The following HEPH variants were observed in gnomAD, a reference collection of about 807,000 sequenced individuals.
HEPH encodes hephaestin.
In HEPH, 69 loss-of-function variants were observed where a neutral mutation model predicts 80.8. The ratio of observed to expected loss-of-function variants is 0.85; its 90% CI spans 0.70 to 1.04. The LOEUF (loss-of-function observed/expected upper bound fraction) is 1.04, where lower values mean the gene tolerates loss of function less well. Ranked by LOEUF, HEPH falls within the 50% of genes least tolerant of loss-of-function variation. The probability of loss-of-function intolerance (pLI) is 0.00; values close to 1 mark genes in which losing one functional copy is unlikely to be tolerated. For synonymous variants in HEPH, 431 were observed against 322.8 expected, an observed-to-expected ratio of 1.34 and a Z score of -3.60; for missense variants, 1,115 against 891.3, an observed-to-expected ratio of 1.25 and a Z score of -3.20.
intron 5 of HEPH, among the ~76,000 whole-genome samples, chrX:66,189,434 A>G (rs1438259473): frequency 1.8e-5 from 2 of 112,105 alleles, no homozygotes; most frequent in African/African-American, 6.5e-5. Flanking sequence ...GCTCTATGGC[A>G]TTGGGAAAGA....
intron 5 of HEPH, 121 bp from the exon 6 acceptor site, chrX:66,189,563 C>A: frequency 1.3e-6 from 1 of 749,693 alleles, no homozygotes; most frequent in Non-Finnish European, 2.0e-6. Flanking sequence ...ATACATAGGT[C>A]AACACAGTGT....
rs768542327 is a variant in HEPH at position 66,203,436 on chromosome X, A to T, written c.2150A>T (p.Gln717Leu). 3 of 1,210,600 alleles carry T rather than the reference A, an allele frequency of 2.5e-6. No homozygotes were observed. The Admixed American group carries it at 6.5e-5, about 26-fold the overall frequency. The change falls in exon 13 of 21, where the codon CAG becomes CTG. Residue 717 changes from glutamine (Q) to leucine (L), a missense_variant. Transcript: ENST00000343002. Reference protein sequence around the residue: ...AGMRAIYNVSQCPGHQATPRQ... With the variant: ...AGMRAIYNVSLCPGHQATPRQ... The stretch of plus-strand genomic sequence containing the variant: ...ATGAGGGCAATCTATAATGTCTCCC[A>T]GTGTCCTGGCCACCAAGCCACCCCT...
chrX:66,268,642 C>T (rs1016378421), downstream of HEPH: 2 of 111,850 alleles, frequency 1.8e-5, no homozygotes, highest in Non-Finnish European at 3.8e-5. Flanking sequence ...TCAGTTATAA[C>T]TCTAAGAGAC....
intron 15 of HEPH, among the ~76,000 whole-genome samples, chrX:66,249,060 A>C (rs566593986): frequency 9.0e-6 from 1 of 111,708 alleles, no homozygotes; most frequent in Non-Finnish European, 1.9e-5. Flanking sequence ...GGGTAGAAAA[A>C]CAAACTTTTC....
chrX:66,235,440 T>C (rs908569674), intron 15 of HEPH, among the ~76,000 whole-genome samples: 7 of 110,439 alleles, frequency 6.3e-5, no homozygotes, highest in African/African-American at 2.3e-4. Flanking sequence ...CTAGCACCAT[T>C]TATTCAATTA....
Position 66,212,613 on chromosome X carries a change from A to T in HEPH, c.2563+4367A>T, listed in dbSNP as rs183885881. On this transcript the variant is annotated intron_variant, in intron 15 of 20. Coordinates refer to ENST00000343002, the MANE Select transcript of HEPH (RefSeq NM_001367233.3). ...TAAGTTTTTGTCAGTTTTGTCAAAGATCAGTTGTTGACTGTAAATATGTGG... is the reference window on the plus strand; with the variant it reads ...TAAGTTTTTGTCAGTTTTGTCAAAGTTCAGTTGTTGACTGTAAATATGTGG... Among the ~76,000 whole-genome samples the T allele has an allele frequency of 1.4e-4, 16 of 112,160 alleles. No homozygotes were observed. In the East Asian group the frequency reaches 4.2e-3, roughly 29 times the overall value.
intron 15 of HEPH, among the ~76,000 whole-genome samples, chrX:66,250,134 G>A (rs2090953624): frequency 9.1e-6 from 1 of 110,214 alleles, no homozygotes; most frequent in Non-Finnish European, 1.9e-5. Flanking sequence ...TTTTTTGTTG[G>A]TTTACTTGTA....
chrX:66,164,269 A>G lies in HEPH; in HGVS notation c.-215A>G. The G allele has an allele frequency of 1.3e-6, 1 of 753,080 alleles. No individual in the cohort carries two copies. Among genetic ancestry groups the G allele is most frequent in the Non-Finnish European group, 1.6e-6 (1 of 638,498 alleles). The allele number at this position is 753,080 out of a possible 1,213,427, so 62.1% of individuals were successfully genotyped here. A position where few individuals can be genotyped will look rare whatever the true frequency, so the allele number is the denominator to read the frequency against. The stretch of plus-strand genomic sequence containing the variant: ...GACATTCCAGTAGTTTTGTTTCTGG[A>G]AAAGAGGGCACCCAGCCCTTCCCCC... On this transcript the variant is annotated 5_prime_UTR_variant, in exon 1 of 21. Coordinates refer to ENST00000343002, the MANE Select transcript of HEPH (RefSeq NM_001367233.3).
At chrX:66,216,132 A>G (rs1456499645) in intron 15 of HEPH, among the ~76,000 whole-genome samples, 7 of 110,908 alleles carry the variant, frequency 6.3e-5, no homozygotes, top group Admixed American at 9.6e-5. Context: ...AACGAACACA[A>G]TCTCTTAGAG....
At chrX:66,186,520 T>G (rs1177795078) in intron 4 of HEPH, among the ~76,000 whole-genome samples, 1 of 112,962 alleles carries the variant, frequency 8.9e-6, no homozygotes, top group African/African-American at 3.2e-5. Context: ...CCCTGACCCC[T>G]TGTGCTTCCC....
chrX:66,203,353 T>A lies in HEPH; in HGVS notation c.2078-11T>A. The A allele has an allele frequency of 8.3e-7, 1 of 1,205,076 alleles. No individual in the cohort carries two copies. The highest frequency in any genetic ancestry group is 1.8e-5 in the South Asian group (1 of 56,550). The stretch of plus-strand genomic sequence containing the variant: ...TTCTGAGTCAGATTTTTCTCTCTGA[T>A]CCTCCCTCAGGGACATTTGAGATTT... On this transcript the variant is annotated splice_polypyrimidine_tract_variant and intron_variant, in intron 12 of 20. Coordinates refer to ENST00000343002, the MANE Select transcript of HEPH (RefSeq NM_001367233.3).
intron 19 of HEPH, among the ~76,000 whole-genome samples, chrX:66,261,094 G>A (rs1410193753): frequency 9.0e-6 from 1 of 111,006 alleles, no homozygotes; most frequent in Non-Finnish European, 1.9e-5. Flanking sequence ...TATTTTTTAG[G>A]CAGGGTTTTG....
At chrX:66,264,711 T>C (rs775937286) in intron 20 of HEPH, among the ~76,000 whole-genome samples, 1 of 108,110 alleles carries the variant, frequency 9.2e-6, no homozygotes, top group South Asian at 4.0e-4. Flanking sequence ...GGATATGTCC[T>C]GGAGGGGATG....
At chrX:66,260,842 T>C (rs1055257387) in intron 19 of HEPH, among the ~76,000 whole-genome samples, 4 of 110,518 alleles carry the variant, frequency 3.6e-5, no homozygotes, top group Admixed American at 9.6e-5. Flanking sequence ...TCATGGCTCA[T>C]TGGAGCCTCA....
At chrX:66,224,420 A>T (rs913254824) in intron 15 of HEPH, among the ~76,000 whole-genome samples, 2 of 111,089 alleles carry the variant, frequency 1.8e-5, no homozygotes, top group African/African-American at 3.3e-5. Flanking sequence ...TATGGTAATT[A>T]AGATTTAGTT....
rs764048238 is a variant in HEPH, at chrX:66,195,319, G to A, written c.1501+90G>A. 1.8e-4 allele frequency: 139 copies of A among 760,335 alleles called. No homozygotes were observed. The African/African-American group carries it at 2.8e-3, about 15-fold the overall frequency. The allele number at this position is 760,335 out of a possible 1,213,427, so 62.7% of individuals were successfully genotyped here. ...ATAAATGGGAGATGGAGAGGATGAA[G>A]TAGGCAGAATTATTTGCCATATGTG... On this transcript the variant is annotated intron_variant, in intron 9 of 20. Transcript: ENST00000343002.
At chrX:66,180,322 C>T (rs750965283) in intron 4 of HEPH, among the ~76,000 whole-genome samples, 55 of 110,913 alleles carry the variant, frequency 5.0e-4, no homozygotes, top group African/African-American at 1.3e-3. Context: ...ATTCTCTCAG[C>T]GTATGTTTGT....
chrX:66,201,892 T>A (rs979845919), intron 12 of HEPH, among the ~76,000 whole-genome samples: 4 of 112,274 alleles, frequency 3.6e-5, no homozygotes, highest in African/African-American at 1.3e-4. Flanking sequence ...TAGGATTTAC[T>A]GATGCAATAG....
At chrX:66,239,452 T>G (rs931700533) in intron 15 of HEPH, among the ~76,000 whole-genome samples, 3 of 112,402 alleles carry the variant, frequency 2.7e-5, no homozygotes, top group African/African-American at 9.7e-5. Flanking sequence ...TGGCTGTGTC[T>G]GGTCAGCCAC....
Sources: gnomAD v4.1 joint callset for allele counts (sites outside exome capture counted in the v4.1 genomes callset) on GRCh38, gnomAD v4.1.1 for gene constraint, MANE v1.5 for transcripts, NCBI Gene and HGNC (gene_info 2026-07-23, HGNC 2026-07-21) for gene names.